The following CYBC1 variants were observed in gnomAD, a reference collection of about 807,000 sequenced individuals.
CYBC1 encodes the protein cytochrome b-245 chaperone 1, also known as essential for reactive oxygen species protein.
In CYBC1, 22 loss-of-function variants were observed where a neutral mutation model predicts 21.7. That is an observed-to-expected ratio of 1.02 (90% CI 0.73 to 1.45). The LOEUF (loss-of-function observed/expected upper bound fraction) is 1.45. Among genes scored for constraint, CYBC1 ranks in the 40% most tolerant of loss-of-function variants. The pLI, the probability that CYBC1 is intolerant of heterozygous loss-of-function variation, is 0.00. For synonymous variants in CYBC1, 112 were observed against 98.7 expected (o/e 1.13, Z -0.80); for missense variants, 237 against 242.1 (o/e 0.98, Z 0.14).
Position 82,445,877 on chromosome 17 carries a change from A to G in CYBC1, c.285T>C (p.Ala95=). The G allele has an allele frequency of 6.2e-7, 1 of 1,612,022 alleles. No homozygotes were observed. Among genetic ancestry groups the G allele is most frequent in the Non-Finnish European group, 8.5e-7 (1 of 1,179,130 alleles). The change falls in exon 5 of 7, where the codon GCT becomes GCC. Residue 95 remains alanine (A), a synonymous_variant. Transcript: ENST00000306645. ...CCCACGACTCACCCTGGTCGTGGCCAGCTCTGAAAAGAGTCAGCAGCTTCT... is the reference window on the plus strand; with the variant it reads ...CCCACGACTCACCCTGGTCGTGGCCGGCTCTGAAAAGAGTCAGCAGCTTCT... ...LYKKLLTLFR[A]GHDQVVVLLH... is the part of the protein sequence containing the mutation.
At chr17:82,445,478 T>C (rs940406318) in intron 5 of CYBC1, 4 of 172,528 alleles carry the variant, frequency 2.3e-5, no homozygotes, top group South Asian at 1.1e-4. Flanking sequence ...GGGGCCAGAC[T>C]GCACCTGCGG....
At chr17:82,444,817 CACAT>C in intron 5 of CYBC1, 1 of 551,356 alleles carries the variant, frequency 1.8e-6, no homozygotes, top group Non-Finnish European at 3.2e-6. Flanking sequence ...GCTGGCGGGT[CACAT>C]GCACAGCCCG....
At chr17:82,447,659 G>T (rs1171121905) in intron 2 of CYBC1, 38 bp from the exon 3 acceptor site, 1 of 1,563,068 alleles carries the variant, frequency 6.4e-7, no homozygotes. Flanking sequence ...ATTGATCCCG[G>T]TAAGACCCCA....
intron 5 of CYBC1, 116 bp from the exon 6 acceptor site, chr17:82,444,707 C>T (rs563009647): frequency 9.6e-6 from 13 of 1,358,056 alleles, no homozygotes; most frequent in African/African-American, 1.4e-5. Flanking sequence ...GCAGCAAAAG[C>T]ATTTGCTGTT....
intron 2 of CYBC1, 190 bp from the exon 3 acceptor site, chr17:82,447,811 A>G (rs1016679845): frequency 1.5e-5 from 10 of 648,000 alleles, no homozygotes; most frequent in African/African-American, 1.1e-4. Context: ...ATAATGCAGT[A>G]TAGCTGGGCG....
Position 82,446,628 on chromosome 17 carries a change from A to G in CYBC1, c.196T>C (p.Trp66Arg). The G allele has an allele frequency of 1.9e-6, 3 of 1,614,104 alleles. No individual in the cohort carries two copies. The highest frequency in any genetic ancestry group is 2.5e-6 in the Non-Finnish European group (3 of 1,180,004). ...LFVAVQNLED[W>R]EEAIFDKSTG... is the part of the protein sequence containing the mutation. ...CGCACCCGAGCCGGCCTTACCTCCC[A>G]GTCCTCCAAGTTCTGCACAGCCACA... is the stretch of plus-strand genomic sequence containing the variant. The change falls in exon 4 of 7, where the codon TGG becomes CGG. Residue 66 changes from tryptophan (W) to arginine (R), a missense_variant. Physicochemically the swap from Trp to Arg is moderately radical, Grantham distance 101 (BLOSUM62 -3). Coordinates refer to ENST00000306645, the MANE Select transcript of CYBC1 (RefSeq NM_001033046.4).
chr17:82,450,388 C>G (rs1259966665), intron 1 of CYBC1: 1 of 152,264 alleles, frequency 6.6e-6, no homozygotes, highest in Non-Finnish European at 1.5e-5. Flanking sequence ...CCCGAAACAC[C>G]CGGCATTCCA....
At position 82,443,677 on chromosome 17, in the gene CYBC1, G is replaced by A. The variant is rs1294782824; in HGVS notation, c.*327C>T. 1 of 768,348 alleles carries A rather than the reference G, an allele frequency of 1.3e-6. No homozygotes were observed. The highest frequency in any genetic ancestry group is 1.7e-5 in the Admixed American group (1 of 58,860). 47.6% of individuals were successfully genotyped at this position (768,348 alleles called of 1,614,324 possible). On this transcript the variant is annotated 3_prime_UTR_variant, in exon 7 of 7. Transcript: ENST00000306645. This position sits in a 1 kb window ranked among gnomAD's most constrained non-coding sequence, Gnocchi z 6.7. ...ACGATGGAGAAAGTCTGGATGTCCT[G>A]GTCTGGCCTGCTGTTTCATGCAGTG...
chr17:82,447,884 C>T, intron 2 of CYBC1: 1 of 584,204 alleles, frequency 1.7e-6, no homozygotes, highest in Non-Finnish European at 3.0e-6. Context: ...CGCTTGAGCT[C>T]AGGAGTTTGA....
At position 82,442,973 on chromosome 17, in the gene CYBC1, G is replaced by T; in HGVS notation, c.*1031C>A. On this transcript the variant is annotated 3_prime_UTR_variant, in exon 7 of 7. Coordinates refer to ENST00000306645, the MANE Select transcript of CYBC1 (RefSeq NM_001033046.4). This position sits in a 1 kb window ranked among gnomAD's most constrained non-coding sequence, Gnocchi z 6.8. Reference sequence around the variant, plus strand: ...TTGGCGTTCAGCTCCTACGGGGTGGGGAGAAGTCTGTAGCCGAGAGCCCAG... The same window carrying T: ...TTGGCGTTCAGCTCCTACGGGGTGGTGAGAAGTCTGTAGCCGAGAGCCCAG... The T allele has an allele frequency of 4.7e-6, 1 of 214,326 alleles. No homozygotes were observed. The highest frequency in any genetic ancestry group is 9.6e-5 in the South Asian group (1 of 10,396). The allele number at this position is 214,326 out of a possible 1,614,324, so 13.3% of individuals were successfully genotyped here.
Position 82,444,048 on chromosome 17 carries a change from GAGAC to G in CYBC1, c.516_519del (p.Ser173ArgfsTer199). On this transcript the variant is annotated frameshift_variant, in exon 7 of 7. Transcript: ENST00000306645. LOFTEE classifies it high-confidence loss of function. ...TCACCGGCCTCACTGTCGCTGCTCT[GAGAC>G]AGCTCTGTGGGGCTCTCAAGGCAGT... 6.2e-7 allele frequency: 1 copy of G among 1,613,596 alleles called. No individual in the cohort carries two copies. The highest frequency in any genetic ancestry group is 8.5e-7 in the Non-Finnish European group (1 of 1,180,004).
intron 5 of CYBC1, chr17:82,445,159 C>T (rs764118103): frequency 6.5e-6 from 1 of 154,230 alleles, no homozygotes; most frequent in Admixed American, 6.4e-5. Context: ...GGCACTAAAC[C>T]CAAGACTGCC....
chr17:82,445,227 C>CA, intron 5 of CYBC1: 1 of 154,122 alleles, frequency 6.5e-6, no homozygotes, highest in Non-Finnish European at 1.4e-5. Context: ...GCGGCCGGAC[C>CA]CCGGGGCCTC....
chr17:82,447,665 C>T (rs2054390582), intron 2 of CYBC1, 44 bp from the exon 3 acceptor site: 2 of 1,546,450 alleles, frequency 1.3e-6, no homozygotes, highest in South Asian at 1.2e-5. Flanking sequence ...CCCGGTAAGA[C>T]CCCACCTCCC....
chr17:82,444,434 C>T lies in CYBC1; in HGVS notation c.443+13G>A. ...GCTGCAGCTCCGGCCAGATCAAAGT[C>T]CCACAGCCTTACCTGCGGTGGCCCA... On this transcript the variant is annotated intron_variant, in intron 6 of 6. Coordinates refer to ENST00000306645, the MANE Select transcript of CYBC1 (RefSeq NM_001033046.4). The T allele has an allele frequency of 6.3e-7, 1 of 1,596,526 alleles. No homozygotes were observed. Among genetic ancestry groups the T allele is most frequent in the South Asian group, 1.1e-5 (1 of 89,470 alleles).
At chr17:82,448,973 A>T (rs186167136) in intron 2 of CYBC1, 197 bp downstream of exon 2, 13 of 565,862 alleles carry the variant, frequency 2.3e-5, no homozygotes, top group African/African-American at 2.1e-4. Flanking sequence ...GTTAGTGATT[A>T]AAAGGGGACA....
chr17:82,447,854 G>T, intron 2 of CYBC1: 1 of 596,092 alleles, frequency 1.7e-6, no homozygotes, highest in Non-Finnish European at 3.0e-6. Flanking sequence ...CAGCTACCTG[G>T]GAGGCCGAGG....
At chr17:82,449,843 G>A (rs2054493120) in intron 1 of CYBC1, 1 of 152,450 alleles carries the variant, frequency 6.6e-6, no homozygotes. Context: ...AGTCACCAAA[G>A]GGGCTAATCT....
chr17:82,445,992 C>G, intron 4 of CYBC1, 32 bp from the exon 5 acceptor site: 1 of 1,601,252 alleles, frequency 6.2e-7, no homozygotes, highest in Non-Finnish European at 8.5e-7. Context: ...CCACCATGAA[C>G]CTCCAGGAAC....
Sources: allele counts gnomAD v4.1 joint callset, GRCh38; gene constraint gnomAD v4.1.1; non-coding constraint Gnocchi (gnomAD v3.1); transcripts MANE v1.5; gene names NCBI Gene and HGNC (gene_info 2026-07-23, HGNC 2026-07-21).